CAMTA1: variants seen among roughly 807,000 people sequenced by gnomAD.
The protein encoded by CAMTA1 is calmodulin binding transcription activator 1, also known as calmodulin-binding transcription activator 1.
CAMTA1 carries 27 observed loss-of-function variants against 170.9 expected under a neutral mutation model. The ratio of observed to expected loss-of-function variants is 0.16; its 90% CI spans 0.12 to 0.22. The LOEUF (loss-of-function observed/expected upper bound fraction) is 0.22, where lower values mean the gene tolerates loss of function less well. CAMTA1 is among the 10% of genes least tolerant of loss of function. CAMTA1 has a pLI of 1.00. For missense variants in CAMTA1, 1,619 were observed against 2,217.2 expected (o/e 0.73, Z 5.42); for synonymous variants, 833 against 891.5 (o/e 0.93, Z 1.17).
chr1:7,504,402 C>G (rs75017838), intron 6 of CAMTA1, among the ~76,000 whole-genome samples: 195 of 152,366 alleles, frequency 1.3e-3, no homozygotes, highest in African/African-American at 4.5e-3. Flanking sequence ...GCACAGGGCT[C>G]TGCTTCCCTT....
chr1:7,453,710 C>G (rs1381112220), intron 5 of CAMTA1, among the ~76,000 whole-genome samples: 1 of 152,234 alleles, frequency 6.6e-6, no homozygotes, highest in East Asian at 1.9e-4. Flanking sequence ...CTTCCCTGCT[C>G]TCTCCTCAGT....
rs1369879479 is a variant in CAMTA1, at chr1:6,932,694, G to T, written c.234+107484G>T. 5.3e-5 allele frequency among the ~76,000 whole-genome samples: 8 copies of T among 152,252 alleles called. No individual in the cohort carries two copies. In the East Asian group the frequency reaches 1.3e-3, roughly 26 times the overall value. On this transcript the variant is annotated intron_variant, in intron 3 of 22. Coordinates refer to ENST00000303635, the MANE Select transcript of CAMTA1 (RefSeq NM_015215.4). ...TTTGTCATTTTAGCCATTCTAACAG[G>T]CATGTGGTATATCTCGTCATGGTTT...
rs564532880 is a variant in CAMTA1 at position 7,762,817 on chromosome 1, A to G, written c.4990-3642A>G. Among the ~76,000 whole-genome samples, 14 of 152,318 alleles carry G rather than the reference A, an allele frequency of 9.2e-5. No individual in the cohort carries two copies. The South Asian group carries it at 2.9e-3, about 32-fold the overall frequency. On this transcript the variant is annotated intron_variant, in intron 22 of 22. Coordinates refer to ENST00000303635, the MANE Select transcript of CAMTA1 (RefSeq NM_015215.4). ...TTTTATGTGAGGGTCTTCCCCCACC[A>G]AGAATGTTTTTTATTAATAAAATCA...
chr1:7,054,871 G>A (rs1707050217), intron 3 of CAMTA1, among the ~76,000 whole-genome samples: 2 of 152,190 alleles, frequency 1.3e-5, no homozygotes, highest in Admixed American at 6.5e-5. Context: ...TGGCAGGCTG[G>A]ACAGGAAGCA....
chr1:7,697,656 G>A (rs1476782722), intron 11 of CAMTA1, among the ~76,000 whole-genome samples: 1 of 152,216 alleles, frequency 6.6e-6, no homozygotes. Context: ...TCAGCCAGCA[G>A]GGAGAATGAG....
chr1:6,990,847 T>C (rs1167747241), intron 3 of CAMTA1, among the ~76,000 whole-genome samples: 1 of 151,630 alleles, frequency 6.6e-6, no homozygotes, highest in Non-Finnish European at 1.5e-5. Context: ...GTGTGTGTTT[T>C]AATCTCAATA....
chr1:7,672,112 T>C (rs955446849), intron 10 of CAMTA1: 1 of 455,246 alleles, frequency 2.2e-6, no homozygotes, highest in Non-Finnish European at 4.4e-6. Flanking sequence ...GGGGTAAGGA[T>C]GCAGGGGTGC....
At chr1:7,487,129 C>T (rs916906131) in intron 6 of CAMTA1, among the ~76,000 whole-genome samples, 5 of 152,216 alleles carry the variant, frequency 3.3e-5, no homozygotes, top group African/African-American at 9.6e-5. Flanking sequence ...CTTTCTGACC[C>T]GCAGCTGGTC....
chr1:6,840,199 CA>C (rs565023900), intron 3 of CAMTA1, among the ~76,000 whole-genome samples: 5 of 144,270 alleles, frequency 3.5e-5, no homozygotes, highest in African/African-American at 7.7e-5. Context: ...AACACCGTCT[CA>C]AAAAAAAAAG....
intron 3 of CAMTA1, among the ~76,000 whole-genome samples, chr1:6,873,308 T>C (rs1668919952): frequency 6.6e-6 from 1 of 152,134 alleles, no homozygotes; most frequent in African/African-American, 2.4e-5. Flanking sequence ...GTTTACCAGA[T>C]CCCCAAAGAC....
At position 7,010,081 on chromosome 1, in the gene CAMTA1, G is replaced by A. The variant is rs927320954; in HGVS notation, c.235-81223G>A. Among the ~76,000 whole-genome samples the A allele has an allele frequency of 6.6e-6, 1 of 152,200 alleles. No individual in the cohort carries two copies. Among genetic ancestry groups the A allele is most frequent in the African/African-American group, 2.4e-5 (1 of 41,442 alleles). On this transcript the variant is annotated intron_variant, in intron 3 of 22. Coordinates refer to ENST00000303635, the MANE Select transcript of CAMTA1 (RefSeq NM_015215.4). This position sits in a 1 kb window ranked among gnomAD's most constrained non-coding sequence, Gnocchi z 4.4. Reference sequence around the variant, plus strand: ...CAGGCTCAGGCACTTGCCAGGGGTTGGTTGGTTTGTTTCTTCTGGATTTGG... The same window carrying A: ...CAGGCTCAGGCACTTGCCAGGGGTTAGTTGGTTTGTTTCTTCTGGATTTGG...
At chr1:7,719,965 A>G (rs1359459762) in intron 11 of CAMTA1, among the ~76,000 whole-genome samples, 1 of 152,216 alleles carries the variant, frequency 6.6e-6, no homozygotes, top group Non-Finnish European at 1.5e-5. Flanking sequence ...TTGAGCTACA[A>G]ATAACGTGTT....
At chr1:7,717,875 C>T (rs1173270052) in intron 11 of CAMTA1, among the ~76,000 whole-genome samples, 1 of 152,044 alleles carries the variant, frequency 6.6e-6, no homozygotes, top group Admixed American at 6.6e-5. Flanking sequence ...TATTCTGTAC[C>T]TTGTTCTTCT....
At position 7,635,692 on chromosome 1, in the gene CAMTA1, C is replaced by T. The variant is rs71637389; in HGVS notation, c.511-4708C>T. 0.11 allele frequency among the ~76,000 whole-genome samples: 16,133 copies of T among 151,972 alleles called. 1,212 individuals carry two copies. Among genetic ancestry groups the T allele is most frequent in the African/African-American group, 0.22 (8,955 of 41,334 alleles). ...CAGATCCAGGCCCAACCCGGGCATT[C>T]CTGCAGGCCGCCCTGCTGAGCTGGT... On this transcript the variant is annotated intron_variant, in intron 6 of 22. Transcript: ENST00000303635. This position sits in a 1 kb window ranked among gnomAD's most constrained non-coding sequence, Gnocchi z 4.4.
rs1706098934 is a variant in CAMTA1, at chr1:7,050,184, AC to A, written c.235-41119del. The stretch of plus-strand genomic sequence containing the variant: ...GGCCGGGGAAGTGACCGGCAGGGCC[AC>A]GGAGGACTCAGGCGGCTGTTCCCGG... On this transcript the variant is annotated intron_variant, in intron 3 of 22. Transcript: ENST00000303635. This position sits in a 1 kb window ranked among gnomAD's most constrained non-coding sequence, Gnocchi z 4.8. 6.6e-6 allele frequency among the ~76,000 whole-genome samples: 1 copy of A among 152,208 alleles called. No homozygotes were observed. The highest frequency in any genetic ancestry group is 2.4e-5 in the African/African-American group (1 of 41,456).
rs1245749009 is a variant in CAMTA1 at position 7,738,115 on chromosome 1, T to C, written c.3815T>C (p.Ile1272Thr). Residue 1272 changes from isoleucine (I) to threonine (T), a missense_variant, in exon 16 of 23, where the codon ATC (isoleucine) becomes ACC (threonine). Ile to Thr is a moderately conservative substitution (Grantham distance 89). Transcript: ENST00000303635. This position sits in a 1 kb window ranked among gnomAD's most constrained non-coding sequence, Gnocchi z 4.9. ...PTALSLEEPNIRKQSPSSKQS... is the reference protein window; with the variant it reads ...PTALSLEEPNTRKQSPSSKQS... ...GCACTGAGTCTGGAAGAGCCAAATATCAGGAAGCAAAGCCCTAGTTCTAAG... is the reference window on the plus strand; with the variant it reads ...GCACTGAGTCTGGAAGAGCCAAATACCAGGAAGCAAAGCCCTAGTTCTAAG... 1 of 1,613,832 alleles carries C rather than the reference T, an allele frequency of 6.2e-7. No individual in the cohort carries two copies. Among genetic ancestry groups the C allele is most frequent in the Admixed American group, 1.7e-5 (1 of 59,996 alleles).
At chr1:7,147,940 TACCATGCACACACACACTCATAC>T (rs1646324579) in intron 4 of CAMTA1, among the ~76,000 whole-genome samples, 1 of 136,482 alleles carries the variant, frequency 7.3e-6, no homozygotes, top group Admixed American at 7.5e-5. Flanking sequence ...CAAACTCATA[TACCATGCACACACACACTCATAC>T]ACCATGCACA....
intron 3 of CAMTA1, among the ~76,000 whole-genome samples, chr1:6,899,554 GCACACACACACACACACACACA>G (rs70984034): frequency 7.1e-6 from 1 of 141,086 alleles, no homozygotes; most frequent in African/African-American, 2.6e-5. Flanking sequence ...ACGCGCGCGC[GCACACACACACACACACACACA>G]CACACACACA....
Position 6,812,646 on chromosome 1 carries a change from T to A in CAMTA1, c.46-7535T>A, listed in dbSNP as rs1645317618. ...GATTATTTTCAGACTTTGAGTATAC[T>A]GGCTTCCAAGCCAAATTAAATTTAT... On this transcript the variant is annotated intron_variant, in intron 1 of 22. Coordinates refer to ENST00000303635, the MANE Select transcript of CAMTA1 (RefSeq NM_015215.4). 2.6e-5 allele frequency among the ~76,000 whole-genome samples: 4 copies of A among 152,338 alleles called. 1 individual carries two copies. In the South Asian group the frequency reaches 8.3e-4, roughly 32 times the overall value.
Sources: allele counts gnomAD v4.1 joint callset (sites outside exome capture counted in the v4.1 genomes callset), GRCh38; gene constraint gnomAD v4.1.1; non-coding constraint Gnocchi (gnomAD v3.1); transcripts MANE v1.5; gene names NCBI Gene and HGNC (gene_info 2026-07-23, HGNC 2026-07-21).